Variants in SPATA19 observed in about 807,000 individuals in gnomAD.
SPATA19 encodes spermatogenesis-associated protein 19, mitochondrial.
A neutral mutation model predicts 25.0 loss-of-function variants in SPATA19; 19 were observed. The observed-to-expected ratio is 0.76, with a 90% CI of 0.53 to 1.11. The LOEUF is 1.11. Among genes scored for constraint, SPATA19 ranks in the 50% most tolerant of loss-of-function variants. SPATA19 has a pLI of 0.00. For missense variants in SPATA19, 222 were observed against 211.4 expected, an observed-to-expected ratio of 1.05 and a Z score of -0.31; for synonymous variants, 64 against 69.3, an observed-to-expected ratio of 0.92 and a Z score of 0.38.
chr11:133,845,022 G>T, intron 2 of SPATA19, 112 bp downstream of exon 2: 1 of 897,276 alleles, frequency 1.1e-6, no homozygotes, highest in Non-Finnish European at 1.8e-6. Context: ...AGGGTGTCTG[G>T]CAATGAACTT....
chr11:133,845,285 G>C, intron 1 of SPATA19, 84 bp downstream of exon 1: 1 of 1,340,122 alleles, frequency 7.5e-7, no homozygotes, highest in Non-Finnish European at 1.0e-6. Flanking sequence ...TTATTTGTAA[G>C]ATCTCTATGA....
At chr11:133,842,302 T>TG (rs1293709174) in intron 5 of SPATA19, among the ~76,000 whole-genome samples, 183 bp downstream of exon 5, 1 of 152,188 alleles carries the variant, frequency 6.6e-6, no homozygotes, top group Non-Finnish European at 1.5e-5. Context: ...CATGGGAGGC[T>TG]GGCAAAGCCC....
intron 5 of SPATA19, 24 bp from the exon 6 acceptor site, chr11:133,842,129 C>G: frequency 6.2e-7 from 1 of 1,611,994 alleles, no homozygotes; most frequent in South Asian, 1.1e-5. Flanking sequence ...AGGAGAAGGG[C>G]CAGGTGGAGG....
intron 6 of SPATA19, 149 bp from the exon 7 acceptor site, chr11:133,841,072 A>C (rs1793687799): frequency 6.6e-6 from 1 of 152,192 alleles, no homozygotes; most frequent in South Asian, 2.1e-4. Context: ...ATGAGCAAAC[A>C]ATTGATGCGG....
chr11:133,838,433 G>T (rs150378463), downstream of SPATA19, among the ~76,000 whole-genome samples: 3 of 152,322 alleles, frequency 2.0e-5, no homozygotes, highest in African/African-American at 7.2e-5. Flanking sequence ...ATGGGGAAAA[G>T]ATTCCCTATT....
chr11:133,838,891 A>G (rs1938251726), downstream of SPATA19, among the ~76,000 whole-genome samples: 1 of 152,260 alleles, frequency 6.6e-6, no homozygotes, highest in African/African-American at 2.4e-5. Flanking sequence ...GACACTTCTC[A>G]AAAGAAGACA....
chr11:133,844,583 G>A lies in SPATA19; in HGVS notation c.193C>T (p.Gln65Ter). The change falls in exon 3 of 7, where the codon CAG becomes TAG. Residue 65 changes from glutamine to a stop codon, truncating the protein, a stop_gained. Transcript: ENST00000299140. LOFTEE classifies it high-confidence loss of function. ...KEKLSINHPS[Q>*]GVREKMSTDS... ...GTGGACATCTTCTCCCTTACACCCT[G>A]GGAAGGGTGGTTGATGGACAGCTTT... is the stretch of plus-strand genomic sequence containing the variant. 1 of 1,613,728 alleles carries A rather than the reference G, an allele frequency of 6.2e-7. No homozygotes were observed.
downstream of SPATA19, among the ~76,000 whole-genome samples, chr11:133,839,922 C>A (rs1046115775): frequency 1.3e-5 from 2 of 151,876 alleles, no homozygotes; most frequent in African/African-American, 4.8e-5. Flanking sequence ...AGACACCAAA[C>A]AACAGATCCT....
chr11:133,841,856 T>C (rs1478041713), intron 6 of SPATA19, among the ~76,000 whole-genome samples, 174 bp downstream of exon 6: 1 of 152,190 alleles, frequency 6.6e-6, no homozygotes, highest in Non-Finnish European at 1.5e-5. Context: ...AAGAGAGGCG[T>C]TGCGGGAGCC....
intron 5 of SPATA19, 99 bp from the exon 6 acceptor site, chr11:133,842,204 G>A (rs961796031): frequency 3.0e-5 from 37 of 1,248,432 alleles, no homozygotes; most frequent in Admixed American, 2.7e-4. Flanking sequence ...AGGGCAGGCC[G>A]TGCCTAGGCC....
chr11:133,843,585 A>T (rs1182419649), intron 4 of SPATA19, among the ~76,000 whole-genome samples: 2 of 152,202 alleles, frequency 1.3e-5, no homozygotes, highest in Admixed American at 1.3e-4. Context: ...GGAAGGGGAG[A>T]AGTCTCCTTC....
At position 133,844,347 on chromosome 11, in the gene SPATA19, C is replaced by A; in HGVS notation, c.268-10G>T. On this transcript the variant is annotated splice_polypyrimidine_tract_variant and intron_variant, in intron 3 of 6. Coordinates refer to ENST00000299140, the MANE Select transcript of SPATA19 (RefSeq NM_174927.3). ...AGAGGTGGTGCTTCACCTGGGAAAT[C>A]CAGAGGGTCCATGTGATTCCTGCCC... 6.2e-7 allele frequency: 1 copy of A among 1,614,082 alleles called. No homozygotes were observed. Among genetic ancestry groups the A allele is most frequent in the Non-Finnish European group, 8.5e-7 (1 of 1,179,934 alleles).
Position 133,844,528 on chromosome 11 carries a change from A to T in SPATA19, c.248T>A (p.Ile83Asn), listed in dbSNP as rs1408494923. 6.2e-7 allele frequency: 1 copy of T among 1,614,116 alleles called. No individual in the cohort carries two copies. The change falls in exon 3 of 7, where the codon ATC (isoleucine) becomes AAC (asparagine). Residue 83 changes from isoleucine to asparagine, a missense_variant. Ile to Asn is a moderately radical substitution (Grantham distance 149). Transcript: ENST00000299140. ...ATTTACCACATCTCTGGTCACGTGG[A>T]TGTCCTGGCCATGGGTGGGAGGGGA... ...TDSPPTHGQDIHVTRDVVKHH... is the reference protein window; with the variant it reads ...TDSPPTHGQDNHVTRDVVKHH...
Position 133,845,458 on chromosome 11 carries a change from T to A in SPATA19, c.-12A>T. The A allele has an allele frequency of 1.2e-6, 2 of 1,613,830 alleles. No individual in the cohort carries two copies. The highest frequency in any genetic ancestry group is 1.3e-5 in the African/African-American group (1 of 75,054). On this transcript the variant is annotated 5_prime_UTR_variant, in exon 1 of 7. Coordinates refer to ENST00000299140, the MANE Select transcript of SPATA19 (RefSeq NM_174927.3). ...GTCGTAATTATCATCTTTGAATGTA[T>A]ACCAGGCCCCCTTCTTGGCTCCCTC...
At chr11:133,838,208 A>G (rs1455535181), downstream of SPATA19, among the ~76,000 whole-genome samples, 1 of 152,262 alleles carries the variant, frequency 6.6e-6, no homozygotes, top group African/African-American at 2.4e-5. Context: ...AAAATATGCT[A>G]AGGGCTCTAA....
chr11:133,842,449 T>G, intron 5 of SPATA19, 36 bp downstream of exon 5: 12 of 1,547,860 alleles, frequency 7.8e-6, no homozygotes, highest in Non-Finnish European at 9.8e-6. Context: ...CTGCCCCCAG[T>G]CAGGAACACA....
At chr11:133,839,716 A>G (rs1202090356), downstream of SPATA19, among the ~76,000 whole-genome samples, 1 of 152,192 alleles carries the variant, frequency 6.6e-6, no homozygotes, top group Admixed American at 6.5e-5. Context: ...AAATGTCAGT[A>G]GAATCTACCC....
At chr11:133,836,731 T>A (rs962032384), downstream of SPATA19, among the ~76,000 whole-genome samples, 1 of 152,192 alleles carries the variant, frequency 6.6e-6, no homozygotes, top group Admixed American at 6.5e-5. Context: ...AAATTGTGAC[T>A]CACAACTAAT....
chr11:133,844,110 G>T, intron 4 of SPATA19, 136 bp downstream of exon 4: 1 of 709,788 alleles, frequency 1.4e-6, no homozygotes, highest in Non-Finnish European at 2.5e-6. Context: ...ATTCCCTTAA[G>T]ACCCCAAAGC....
Sources: gnomAD v4.1 joint callset for allele counts (sites outside exome capture counted in the v4.1 genomes callset) on GRCh38, gnomAD v4.1.1 for gene constraint, MANE v1.5 for transcripts, NCBI Gene and HGNC (gene_info 2026-07-23, HGNC 2026-07-21) for gene names.